NFIB: variants seen among roughly 807,000 people sequenced by gnomAD.
NFIB encodes the protein nuclear factor 1 B-type.
In NFIB, 11 loss-of-function variants were observed where a neutral mutation model predicts 61.5. That is an observed-to-expected ratio of 0.18 (90% CI 0.11 to 0.30). The LOEUF (loss-of-function observed/expected upper bound fraction) is 0.30, where lower values mean the gene tolerates loss of function less well. Ranked by LOEUF, NFIB falls within the 10% of genes least tolerant of loss-of-function variation. NFIB has a pLI of 1.00. For synonymous variants in NFIB, 260 were observed against 216.5 expected, an observed-to-expected ratio of 1.20 and a Z score of -1.76; for missense variants, 471 against 608.9, an observed-to-expected ratio of 0.77 and a Z score of 2.38.
intron 1 of NFIB, among the ~76,000 whole-genome samples, chr9:14,374,866 C>T (rs531275923): frequency 1.4e-4 from 22 of 152,046 alleles, no homozygotes; most frequent in African/African-American, 3.6e-4. Context: ...GACAAGATTG[C>T]GCCACTGCAC....
At chr9:14,358,620 T>C (rs1418512986) in intron 1 of NFIB, among the ~76,000 whole-genome samples, 1 of 152,218 alleles carries the variant, frequency 6.6e-6, no homozygotes, top group Non-Finnish European at 1.5e-5. Context: ...TTTCTCCTTC[T>C]TTAGGTAGTA....
At chr9:14,438,338 G>A in the NFIB span, among the ~76,000 whole-genome samples, 6 of 152,174 alleles carry the variant, frequency 3.9e-5, no homozygotes, top group East Asian at 1.9e-4. Flanking sequence ...ATAGTCTTAC[G>A]TGTGACCATC....
the NFIB span, among the ~76,000 whole-genome samples, chr9:14,455,326 T>C: frequency 2.0e-3 from 301 of 152,338 alleles, no homozygotes; most frequent in African/African-American, 6.9e-3. Context: ...ATATGTGTGA[T>C]ATAACAAAAG....
chr9:14,103,188 C>G (rs1184868517), intron 10 of NFIB, among the ~76,000 whole-genome samples: 1 of 152,136 alleles, frequency 6.6e-6, no homozygotes, highest in African/African-American at 2.4e-5. Context: ...ACAAATTCTT[C>G]CCAGATCTCC....
intron 1 of NFIB, among the ~76,000 whole-genome samples, chr9:14,366,276 T>C (rs936158859): frequency 6.6e-6 from 1 of 152,132 alleles, no homozygotes; most frequent in Non-Finnish European, 1.5e-5. Context: ...CACTTTCTTT[T>C]AACCTCGCGT....
intron 2 of NFIB, among the ~76,000 whole-genome samples, chr9:14,184,307 A>T (rs934231277): frequency 6.6e-5 from 10 of 152,354 alleles, no homozygotes; most frequent in African/African-American, 2.4e-4. Flanking sequence ...TCAGTAGTTT[A>T]AATGTTTCTG....
the NFIB span, among the ~76,000 whole-genome samples, chr9:14,522,334 A>T: frequency 1.3e-5 from 2 of 152,200 alleles, no homozygotes; most frequent in Non-Finnish European, 2.9e-5. Context: ...CTACGTAAAC[A>T]TGTGGTTTGT....
intron 2 of NFIB, among the ~76,000 whole-genome samples, chr9:14,278,025 T>C (rs540516798): frequency 6.6e-6 from 1 of 152,326 alleles, no homozygotes; most frequent in South Asian, 2.1e-4. Context: ...CCTCATGCTG[T>C]AGTCACTCTA....
At chr9:14,505,590 C>G in the NFIB span, among the ~76,000 whole-genome samples, 1 of 152,154 alleles carries the variant, frequency 6.6e-6, no homozygotes, top group African/African-American at 2.4e-5. Flanking sequence ...ACCCCACTTA[C>G]TCCACCCCAT....
intron 2 of NFIB, chr9:14,306,144 T>G: frequency 2.9e-6 from 1 of 346,332 alleles, no homozygotes; most frequent in Non-Finnish European, 5.1e-6. Flanking sequence ...TTCTCAGGTA[T>G]TTTAAATAAT....
chr9:14,279,402 T>A (rs1266301578), intron 2 of NFIB, among the ~76,000 whole-genome samples: 1 of 152,100 alleles, frequency 6.6e-6, no homozygotes, highest in East Asian at 1.9e-4. Context: ...CACACAAACA[T>A]TTTACCTAAG....
intron 2 of NFIB, among the ~76,000 whole-genome samples, chr9:14,291,649 ATTCT>A (rs1419143233): frequency 3.9e-5 from 6 of 152,174 alleles, no homozygotes; most frequent in Non-Finnish European, 8.8e-5. Flanking sequence ...TTAAAAAAAA[ATTCT>A]TTAACTGAGA....
At chr9:14,506,450 G>T in the NFIB span, among the ~76,000 whole-genome samples, 294 of 152,254 alleles carry the variant, frequency 1.9e-3, 3 homozygotes, top group African/African-American at 6.8e-3. Context: ...TCACTGTCCT[G>T]TTTCCTAACT....
At chr9:14,314,398 A>G (rs866325077), upstream of NFIB, 2 of 151,546 alleles carry the variant, frequency 1.3e-5, no homozygotes, top group South Asian at 4.1e-4. Flanking sequence ...CGCTGCCCAG[A>G]GCCCAGGGGT....
At chr9:14,220,614 T>A (rs777549846) in intron 2 of NFIB, among the ~76,000 whole-genome samples, 2 of 152,060 alleles carry the variant, frequency 1.3e-5, no homozygotes, top group African/African-American at 2.4e-5. Flanking sequence ...TCACAGCCCA[T>A]AGCTCTCACA....
At chr9:14,443,675 T>C in the NFIB span, among the ~76,000 whole-genome samples, 40 of 152,370 alleles carry the variant, frequency 2.6e-4, no homozygotes, top group African/African-American at 9.1e-4. Context: ...GCATTTGGCA[T>C]TCTTGCCTTC....
At chr9:14,476,218 G>A in the NFIB span, among the ~76,000 whole-genome samples, 1 of 147,804 alleles carries the variant, frequency 6.8e-6, no homozygotes, top group Non-Finnish European at 1.5e-5. Context: ...AGATAAGGTC[G>A]ATTTCCTAGA....
intron 2 of NFIB, among the ~76,000 whole-genome samples, chr9:14,268,078 T>G (rs1319116746): frequency 6.7e-6 from 1 of 148,410 alleles, no homozygotes; most frequent in Non-Finnish European, 1.5e-5. Flanking sequence ...GAGGTTGCAG[T>G]GAGCCAAGAT....
At chr9:14,333,304 G>C (rs1348731132) in intron 1 of NFIB, among the ~76,000 whole-genome samples, 2 of 152,174 alleles carry the variant, frequency 1.3e-5, no homozygotes, top group Non-Finnish European at 2.9e-5. Context: ...AATCACCCAA[G>C]GTCAATAGCT....
Sources: gnomAD v4.1 joint callset for allele counts (sites outside exome capture counted in the v4.1 genomes callset) on GRCh38, gnomAD v4.1.1 for gene constraint, MANE v1.5 for transcripts, NCBI Gene and HGNC (gene_info 2026-07-23, HGNC 2026-07-21) for gene names.